Variants in ZCCHC17 observed in about 807,000 individuals in gnomAD.
ZCCHC17 encodes the protein zinc finger CCHC domain-containing protein 17.
ZCCHC17 carries 18 observed loss-of-function variants against 30.6 expected under a neutral mutation model. The observed-to-expected ratio is 0.59, with a 90% CI of 0.41 to 0.87. ZCCHC17 has a LOEUF of 0.87. ZCCHC17 is among the 40% of genes least tolerant of loss of function. ZCCHC17 has a pLI of 0.00. For missense variants in ZCCHC17, 263 were observed against 284.2 expected (o/e 0.93, Z 0.54); for synonymous variants, 88 against 92.4 (o/e 0.95, Z 0.27).
At chr1:31,309,345 G>A (rs914505145) in intron 1 of ZCCHC17, among the ~76,000 whole-genome samples, 9 of 152,126 alleles carry the variant, frequency 5.9e-5, no homozygotes, top group African/African-American at 2.2e-4. Context: ...TTGAGATGGA[G>A]TTCGCTCTGT....
At chr1:31,310,919 C>T (rs1646585196) in intron 2 of ZCCHC17, among the ~76,000 whole-genome samples, 2 of 152,144 alleles carry the variant, frequency 1.3e-5, no homozygotes, top group African/African-American at 2.4e-5. Flanking sequence ...ATTTGCAAGT[C>T]CTAATTATAT....
At chr1:31,310,253 T>A (rs998675136) in intron 2 of ZCCHC17, 89 bp downstream of exon 2, 1 of 1,398,778 alleles carries the variant, frequency 7.1e-7, no homozygotes, top group East Asian at 2.3e-5. Context: ...TCCACTTAAG[T>A]CTGTCTTGAG....
chr1:31,346,606 A>C (rs1034137489), intron 5 of ZCCHC17, 34 bp from the exon 6 acceptor site: 22 of 1,582,286 alleles, frequency 1.4e-5, no homozygotes, highest in Admixed American at 3.4e-5. Context: ...ATATCTCTTA[A>C]GGGGGCCGGC....
At chr1:31,356,657 T>G (rs1271589949) in intron 7 of ZCCHC17, among the ~76,000 whole-genome samples, 1 of 152,154 alleles carries the variant, frequency 6.6e-6, no homozygotes, top group East Asian at 1.9e-4. Flanking sequence ...TGGGCGATAA[T>G]GAAAGGAGCA....
intron 7 of ZCCHC17, among the ~76,000 whole-genome samples, chr1:31,350,460 A>G (rs967425212): frequency 2.6e-5 from 4 of 151,982 alleles, no homozygotes; most frequent in African/African-American, 9.7e-5. Flanking sequence ...ATCCCTCCTG[A>G]GACTTTAGCT....
chr1:31,332,270 T>G (rs1037573248), intron 3 of ZCCHC17, among the ~76,000 whole-genome samples: 18 of 152,348 alleles, frequency 1.2e-4, no homozygotes, highest in Non-Finnish European at 1.5e-4. Context: ...ACCCTTCCCC[T>G]GAGCTACAGA....
chr1:31,364,286 C>T lies in ZCCHC17; in HGVS notation c.*93C>T. 1 of 1,470,346 alleles carries T rather than the reference C, an allele frequency of 6.8e-7. No homozygotes were observed. Among genetic ancestry groups the T allele is most frequent in the Non-Finnish European group, 9.0e-7 (1 of 1,110,652 alleles). 91.1% of individuals were successfully genotyped at this position (1,470,346 alleles called of 1,614,324 possible). A position where few individuals can be genotyped will look rare whatever the true frequency, so the allele number is the denominator to read the frequency against. ...AAAGACTCAATAGTGAGAATATAGC[C>T]TCCCACCCCATTAACTTCGCTCCCA... On this transcript the variant is annotated 3_prime_UTR_variant, in exon 8 of 8. Coordinates refer to ENST00000344147, the MANE Select transcript of ZCCHC17 (RefSeq NM_016505.4).
intron 3 of ZCCHC17, among the ~76,000 whole-genome samples, chr1:31,324,516 GA>G (rs1638260645): frequency 6.6e-6 from 1 of 152,254 alleles, no homozygotes; most frequent in Admixed American, 6.5e-5. Context: ...GGTCCGGGAA[GA>G]CCCCTTTCCC....
intron 5 of ZCCHC17, among the ~76,000 whole-genome samples, chr1:31,342,047 A>G (rs1191006511): frequency 6.6e-6 from 1 of 152,006 alleles, no homozygotes; most frequent in Non-Finnish European, 1.5e-5. Context: ...CATCCATAGT[A>G]TTCATTTAGT....
chr1:31,334,303 A>ATCTCTC lies in ZCCHC17; in HGVS notation c.125-2842_125-2837dup, dbSNP rs373770669. Among the ~76,000 whole-genome samples the ATCTCTC allele has an allele frequency of 8.8e-3, 449 of 51,270 alleles. 5 individuals are homozygous for ATCTCTC. Among genetic ancestry groups the ATCTCTC allele is most frequent in the Middle Eastern group, 0.026 (2 of 78 alleles). The allele number at this position is 51,270 out of a possible 152,430, so 33.6% of individuals were successfully genotyped here. On this transcript the variant is annotated intron_variant, in intron 3 of 7. Transcript: ENST00000344147. ...CAGGCATCTGCAGGCATCCATGTGC[A>ATCTCTC]TCTCTCTCTCTCTCTCTCTCTCTCT...
intron 2 of ZCCHC17, among the ~76,000 whole-genome samples, chr1:31,312,079 G>A (rs1646618579): frequency 6.6e-6 from 1 of 152,140 alleles, no homozygotes; most frequent in South Asian, 2.1e-4. Context: ...CCTTGATCTT[G>A]AACTTCCCAG....
chr1:31,316,593 T>G (rs1646739040), intron 2 of ZCCHC17, among the ~76,000 whole-genome samples: 1 of 152,216 alleles, frequency 6.6e-6, no homozygotes. Context: ...TGGCCCTCTT[T>G]TACAAAGAAC....
At position 31,319,181 on chromosome 1, in the gene ZCCHC17, C is replaced by A; in HGVS notation, c.124+15C>A. On this transcript the variant is annotated intron_variant, in intron 3 of 7. Coordinates refer to ENST00000344147, the MANE Select transcript of ZCCHC17 (RefSeq NM_016505.4). ...TCGGAAGCAAGGTAGGAGTTTATAA[C>A]TTGAAATTCAGCCCTCTGATTCTAC... 1 of 1,604,414 alleles carries A rather than the reference C, an allele frequency of 6.2e-7. No homozygotes were observed. The highest frequency in any genetic ancestry group is 8.5e-7 in the Non-Finnish European group (1 of 1,172,650).
intron 3 of ZCCHC17, among the ~76,000 whole-genome samples, chr1:31,331,382 G>C (rs555442511): frequency 6.6e-6 from 1 of 152,084 alleles, no homozygotes; most frequent in East Asian, 1.9e-4. Context: ...CTGACTTCAA[G>C]TGATCCGCCC....
rs752700397 is a variant in ZCCHC17 at position 31,310,204 on chromosome 1, A to G, written c.66+40A>G. Reference sequence around the variant, plus strand: ...GCTTTGAAAACCCACCATTTATGTTAAAATAGATTAAGGGTGACAACTGGG... The same window carrying G: ...GCTTTGAAAACCCACCATTTATGTTGAAATAGATTAAGGGTGACAACTGGG... On this transcript the variant is annotated intron_variant, in intron 2 of 7. Transcript: ENST00000344147. 4.1e-5 allele frequency: 65 copies of G among 1,601,448 alleles called. No individual in the cohort carries two copies. The Admixed American group carries it at 1.1e-3, about 26-fold the overall frequency.
At chr1:31,349,385 C>T (rs974099542) in intron 7 of ZCCHC17, among the ~76,000 whole-genome samples, 3 of 152,128 alleles carry the variant, frequency 2.0e-5, no homozygotes, top group Non-Finnish European at 4.4e-5. Flanking sequence ...GGGTCTCTTG[C>T]AGTGGTATGA....
chr1:31,314,048 A>G (rs1029451004), intron 2 of ZCCHC17, among the ~76,000 whole-genome samples: 2 of 152,096 alleles, frequency 1.3e-5, no homozygotes, highest in African/African-American at 4.8e-5. Context: ...TATTTTTAGT[A>G]GAGACAGAGT....
intron 5 of ZCCHC17, among the ~76,000 whole-genome samples, chr1:31,343,001 T>C (rs189299238): frequency 6.6e-6 from 1 of 152,348 alleles, no homozygotes; most frequent in Non-Finnish European, 1.5e-5. Flanking sequence ...GGTCAAGTAC[T>C]AGAATGGAAG....
chr1:31,327,803 CAACTT>C (rs958732396), intron 3 of ZCCHC17, among the ~76,000 whole-genome samples: 1 of 152,080 alleles, frequency 6.6e-6, no homozygotes, highest in African/African-American at 2.4e-5. Flanking sequence ...TAAAAGTTCT[CAACTT>C]AATAAGGGAA....
Sources: allele counts gnomAD v4.1 joint callset (sites outside exome capture counted in the v4.1 genomes callset), GRCh38; gene constraint gnomAD v4.1.1; transcripts MANE v1.5; gene names NCBI Gene and HGNC (gene_info 2026-07-23, HGNC 2026-07-21).